DEPDC4: variants seen among roughly 807,000 people sequenced by gnomAD.
The protein encoded by DEPDC4 is DEP domain containing 4, also known as DEP domain-containing protein 4.
DEPDC4 carries 52 observed loss-of-function variants against 52.0 expected under a neutral mutation model. The ratio of observed to expected loss-of-function variants is 1.00; its 90% CI spans 0.80 to 1.26. The LOEUF (loss-of-function observed/expected upper bound fraction) is 1.26. Among genes scored for constraint, DEPDC4 ranks in the 50% most tolerant of loss-of-function variants. The pLI is 0.00. For synonymous variants in DEPDC4, 201 were observed against 196.8 expected (o/e 1.02, Z -0.18); for missense variants, 530 against 546.9 (o/e 0.97, Z 0.31).
intron 3 of DEPDC4, among the ~76,000 whole-genome samples, chr12:100,261,103 C>T (rs1488917235): frequency 6.6e-6 from 1 of 151,732 alleles, no homozygotes; most frequent in Non-Finnish European, 1.5e-5. Context: ...ATCACTTGAA[C>T]CTGGGAGGCA....
At chr12:100,259,085 T>A (rs991287747) in intron 3 of DEPDC4, among the ~76,000 whole-genome samples, 78 of 147,272 alleles carry the variant, frequency 5.3e-4, no homozygotes, top group Admixed American at 3.1e-3. Flanking sequence ...AAAAAAAATA[T>A]ATATATATAT....
chr12:100,259,019 C>T (rs1171094273), intron 3 of DEPDC4, among the ~76,000 whole-genome samples: 2 of 151,094 alleles, frequency 1.3e-5, no homozygotes, highest in African/African-American at 2.4e-5. Flanking sequence ...TGCAGTGAGC[C>T]GAGATCGCAC....
chr12:100,251,860 T>C, intron 7 of DEPDC4, among the ~76,000 whole-genome samples: 1 of 152,054 alleles, frequency 6.6e-6, no homozygotes, highest in Non-Finnish European at 1.5e-5. Context: ...TGAGCCACTG[T>C]GCCCGGCCTG....
At chr12:100,267,707 G>GC (rs1179563360), upstream of DEPDC4, 2 of 152,446 alleles carry the variant, frequency 1.3e-5, no homozygotes, top group East Asian at 1.9e-4. Flanking sequence ...CGGAGGGAGA[G>GC]CCCCCCATGC....
At position 100,261,001 on chromosome 12, in the gene DEPDC4, T is replaced by C. The variant is rs183158677; in HGVS notation, c.700+1263A>G. On this transcript the variant is annotated intron_variant, in intron 3 of 9. Transcript: ENST00000550587. ...TTCGAGACCAACCTGGCCAACATGGTGAAACCCGTGTCTACTAAAAAATAC... is the reference window on the plus strand; with the variant it reads ...TTCGAGACCAACCTGGCCAACATGGCGAAACCCGTGTCTACTAAAAAATAC... Among the ~76,000 whole-genome samples the C allele has an allele frequency of 9.7e-4, 148 of 152,008 alleles. 1 individual carries two copies. Among genetic ancestry groups the C allele is most frequent in the Non-Finnish European group, 1.8e-3 (124 of 67,974 alleles).
At chr12:100,251,222 A>G (rs1158620236) in intron 7 of DEPDC4, among the ~76,000 whole-genome samples, 8 of 152,036 alleles carry the variant, frequency 5.3e-5, no homozygotes, top group Admixed American at 5.2e-4. Context: ...GGCATGTATC[A>G]CTGTGCCCAG....
downstream of DEPDC4, among the ~76,000 whole-genome samples, chr12:100,236,140 G>C (rs1423138126): frequency 6.6e-6 from 1 of 152,152 alleles, no homozygotes; most frequent in Admixed American, 6.6e-5. Flanking sequence ...GTGAATTGTG[G>C]TGCTATAAAC....
chr12:100,261,812 T>C (rs150591783), intron 3 of DEPDC4: 2 of 456,098 alleles, frequency 4.4e-6, no homozygotes, highest in African/African-American at 2.0e-5. Flanking sequence ...AATACACTAC[T>C]TAAATCACAT....
intron 3 of DEPDC4, among the ~76,000 whole-genome samples, chr12:100,258,275 C>T (rs1194254314): frequency 1.3e-5 from 2 of 152,024 alleles, no homozygotes; most frequent in Admixed American, 1.3e-4. Context: ...TTTGAAGATA[C>T]TTCCTAGTAG....
intron 8 of DEPDC4, among the ~76,000 whole-genome samples, chr12:100,244,126 T>TATATATATATATAC (rs1236326139): frequency 1.7e-4 from 19 of 114,542 alleles, no homozygotes; most frequent in Non-Finnish European, 3.3e-4. Flanking sequence ...TATATATATA[T>TATATATATATATAC]ATATATATAC....
chr12:100,271,454 T>G (rs2096287626), upstream of DEPDC4, among the ~76,000 whole-genome samples: 1 of 152,204 alleles, frequency 6.6e-6, no homozygotes, highest in Non-Finnish European at 1.5e-5. Flanking sequence ...ATTACAAAAA[T>G]TCATTGAATA....
upstream of DEPDC4, among the ~76,000 whole-genome samples, chr12:100,269,553 T>C (rs2096284997): frequency 6.6e-6 from 1 of 152,158 alleles, no homozygotes; most frequent in Admixed American, 6.5e-5. Context: ...GGGCCAAGAA[T>C]TGTACTAAAC....
intron 7 of DEPDC4, among the ~76,000 whole-genome samples, chr12:100,249,656 A>G (rs1299396693): frequency 2.0e-5 from 3 of 152,184 alleles, no homozygotes; most frequent in Admixed American, 2.0e-4. Flanking sequence ...TCACATCTAG[A>G]TAGCTCCTTC....
the DEPDC4 span, among the ~76,000 whole-genome samples, chr12:100,278,630 C>CTT: frequency 2.2e-4 from 27 of 120,516 alleles, no homozygotes; most frequent in East Asian, 7.0e-4. Flanking sequence ...TGGGGAAATT[C>CTT]TTTTTTTTTT....
upstream of DEPDC4, among the ~76,000 whole-genome samples, chr12:100,269,493 A>T (rs2096284909): frequency 6.6e-6 from 1 of 150,460 alleles, no homozygotes; most frequent in Middle Eastern, 3.2e-3. Context: ...CCTGATGTGT[A>T]AGTGCTGAAT....
chr12:100,263,592 G>T lies in DEPDC4; in HGVS notation c.459C>A (p.Ser153=). The change falls in exon 2 of 10, where the codon TCC becomes TCA. Residue 153 remains serine, a synonymous_variant. Transcript: ENST00000550587. ...CTAGAAACCTGTAGAGACTAATGTT[G>T]GAATCTTCAAATTCTAATTCCTTTT... The part of the protein sequence containing the change: ...KKEKELEFED[S]NISLYRFLGN... The T allele has an allele frequency of 6.2e-7, 1 of 1,613,818 alleles. No individual in the cohort carries two copies. The highest frequency in any genetic ancestry group is 8.5e-7 in the Non-Finnish European group (1 of 1,179,852).
downstream of DEPDC4, among the ~76,000 whole-genome samples, chr12:100,235,802 G>A (rs1237863795): frequency 6.6e-6 from 1 of 152,122 alleles, no homozygotes; most frequent in Non-Finnish European, 1.5e-5. Context: ...TTGAACTCCT[G>A]ACCTTAGGTG....
At position 100,263,702 on chromosome 12, in the gene DEPDC4, A is replaced by C. The variant is rs1315629843; in HGVS notation, c.349T>G (p.Cys117Gly). 1.8e-5 allele frequency: 29 copies of C among 1,614,152 alleles called. No individual in the cohort carries two copies. The highest frequency in any genetic ancestry group is 2.3e-5 in the Non-Finnish European group (27 of 1,180,014). Residue 117 changes from cysteine to glycine, a missense_variant, in exon 2 of 10, where the codon TGT becomes GGT. Cys to Gly is a radical substitution (Grantham distance 159). Coordinates refer to ENST00000550587, the MANE Select transcript of DEPDC4 (RefSeq NM_001364818.2). ...TGGCAAAGATGAACCCCTTTAAGAC[A>C]AGAGATGTCATTGCTACTTAGGCAC... ...NTCLSSNDISCLKGVHLCQVL... is the reference protein window; with the variant it reads ...NTCLSSNDISGLKGVHLCQVL...
rs1176050884 is a variant in DEPDC4, at chr12:100,257,465, TCC to T, written c.701-1241_701-1240del. On this transcript the variant is annotated intron_variant, in intron 3 of 9. Transcript: ENST00000550587. ...GCAATGGCACACCACAGCCTCTGCCTCCCAGGTTCAGGAGGTTCACCTGCCTC... is the reference window on the plus strand; with the variant it reads ...GCAATGGCACACCACAGCCTCTGCCTCAGGTTCAGGAGGTTCACCTGCCTC... Among the ~76,000 whole-genome samples, 5 of 152,074 alleles carry T rather than the reference TCC, an allele frequency of 3.3e-5. No individual in the cohort carries two copies. The East Asian group carries it at 9.6e-4, about 29-fold the overall frequency.
Sources: gnomAD v4.1 joint callset for allele counts (sites outside exome capture counted in the v4.1 genomes callset) on GRCh38, gnomAD v4.1.1 for gene constraint, MANE v1.5 for transcripts, NCBI Gene and HGNC (gene_info 2026-07-23, HGNC 2026-07-21) for gene names.